The following MCAM variants were observed in gnomAD, a reference collection of about 807,000 sequenced individuals.
MCAM encodes the protein melanoma cell adhesion molecule.
Under a neutral mutation model 79.1 loss-of-function variants are expected in MCAM, and 55 were observed. The observed-to-expected ratio is 0.70, with a 90% CI of 0.56 to 0.87. The LOEUF (loss-of-function observed/expected upper bound fraction) is 0.87, where lower values mean the gene tolerates loss of function less well. Among genes scored for constraint, MCAM ranks in the 40% least tolerant of loss-of-function variants. The pLI, the probability that MCAM is intolerant of heterozygous loss-of-function variation, is 0.00. For missense variants in MCAM, 745 were observed against 839.8 expected, an observed-to-expected ratio of 0.89 and a Z score of 1.40; for synonymous variants, 330 against 339.8, an observed-to-expected ratio of 0.97 and a Z score of 0.32.
Position 119,311,535 on chromosome 11 carries a change from C to A in MCAM, c.1402G>T (p.Gly468Cys). The change falls in exon 11 of 16, where the codon GGC (glycine) becomes TGC (cysteine). Residue 468 changes from glycine (G) to cysteine (C), a missense_variant. Physicochemically the swap from Gly to Cys is radical, Grantham distance 159. Coordinates refer to ENST00000264036, the MANE Select transcript of MCAM (RefSeq NM_006500.3). This position sits in a 1 kb window ranked among gnomAD's most constrained non-coding sequence, Gnocchi z 4.4. ...PRPTISWNVN[G>C]TASEQDQDPQ... ...CAGATGAGACACCCGCTCACCGTGC[C>A]GTTGACGTTCCAGGAGATGGTGGGC... 6.2e-7 allele frequency: 1 copy of A among 1,614,120 alleles called. No homozygotes were observed.
At chr11:119,313,227 G>T (rs1427197449) in intron 5 of MCAM, 7 of 1,422,872 alleles carry the variant, frequency 4.9e-6, no homozygotes, top group Middle Eastern at 1.8e-4. Flanking sequence ...CACTAAATGG[G>T]GAATGGTGAA....
intron 13 of MCAM, 53 bp from the exon 14 acceptor site, chr11:119,310,956 C>T (rs1385754692): frequency 6.2e-7 from 1 of 1,613,842 alleles, no homozygotes; most frequent in Admixed American, 1.7e-5. Context: ...ACTTCGTCAC[C>T]ATCGTTGGCC....
Position 119,315,158 on chromosome 11 carries a change from C to T in MCAM, c.173G>A (p.Ser58Asn). Reference protein sequence around the residue: ...CGLSQSQGNLSHVDWFSVHKE... With the variant: ...CGLSQSQGNLNHVDWFSVHKE... ...ACTCACAGAAAACCAGTCGACATGGCTGAGGTTGCCTTGGGACTGGGAGAG... is the reference window on the plus strand; with the variant it reads ...ACTCACAGAAAACCAGTCGACATGGTTGAGGTTGCCTTGGGACTGGGAGAG... Residue 58 changes from serine (S) to asparagine (N), a missense_variant, in exon 2 of 16, where the codon AGC becomes AAC. Physicochemically the swap from Ser to Asn is conservative, Grantham distance 46. Transcript: ENST00000264036. This position sits in a 1 kb window ranked among gnomAD's most constrained non-coding sequence, Gnocchi z 4.4. 1 of 1,613,572 alleles carries T rather than the reference C, an allele frequency of 6.2e-7. No individual in the cohort carries two copies. Among genetic ancestry groups the T allele is most frequent in the Non-Finnish European group, 8.5e-7 (1 of 1,179,998 alleles).
Position 119,310,459 on chromosome 11 carries a change from G to A in MCAM, c.1801C>T (p.Pro601Ser). The A allele has an allele frequency of 1.9e-6, 3 of 1,606,530 alleles. No homozygotes were observed. Among genetic ancestry groups the A allele is most frequent in the East Asian group, 2.2e-5 (1 of 44,854 alleles). ...RRSGKQEITL[P>S]PSRKSELVVE... ...ACAAGTTCGCTCTTACGAGACGGGG[G>A]TAGCGTGCTGGGAGGAGGGAGGGAG... Residue 601 changes from proline to serine, a missense_variant, in exon 15 of 16, where the codon CCC becomes TCC. Transcript: ENST00000264036.
chr11:119,313,873 A>G (rs1043089081), intron 5 of MCAM: 1 of 838,634 alleles, frequency 1.2e-6, no homozygotes, highest in African/African-American at 1.8e-5. Flanking sequence ...GAGGGGGTAC[A>G]AAATCACCCC....
At position 119,310,840 on chromosome 11, in the gene MCAM, A is replaced by G. The variant is rs370812902; in HGVS notation, c.1709T>C (p.Leu570Pro). The change falls in exon 14 of 16, where the codon CTG (leucine) becomes CCG (proline). Residue 570 changes from leucine (L) to proline (P), a missense_variant. Transcript: ENST00000264036. ...VVIVAVIVCI[L>P]VLAVLGAVLY... ...GACAGCGCCCAGCACCGCCAGGACC[A>G]GGATGCACACAATCACAGCCACGAT... 9.9e-6 allele frequency: 16 copies of G among 1,614,102 alleles called. No individual in the cohort carries two copies. Among genetic ancestry groups the G allele is most frequent in the Non-Finnish European group, 1.2e-5 (14 of 1,180,046 alleles).
In MCAM at chr11:119,308,647, CACAT is replaced by C. The variant is rs1204245794; in HGVS notation, c.*1235_*1238del. On this transcript the variant is annotated 3_prime_UTR_variant, in exon 16 of 16. Coordinates refer to ENST00000264036, the MANE Select transcript of MCAM (RefSeq NM_006500.3). ...CACACCTGACAAAACCATATATACACACATATGTATGCATACACACAGACAGACA... is the reference window on the plus strand; with the variant it reads ...CACACCTGACAAAACCATATATACACATGTATGCATACACACAGACAGACA... 6.6e-6 allele frequency: 1 copy of C among 151,870 alleles called. No homozygotes were observed. The highest frequency in any genetic ancestry group is 1.5e-5 in the Non-Finnish European group (1 of 68,020). The allele number at this position is 151,870 out of a possible 1,614,324, so 9.4% of individuals were successfully genotyped here. A position where few individuals can be genotyped will look rare whatever the true frequency, so the allele number is the denominator to read the frequency against.
In MCAM at chr11:119,309,766, T is replaced by G; in HGVS notation, c.*120A>C. On this transcript the variant is annotated 3_prime_UTR_variant, in exon 16 of 16. Coordinates refer to ENST00000264036, the MANE Select transcript of MCAM (RefSeq NM_006500.3). ...AACCCAGTGGCCCTCTGAAAGGGGGTGTGCAGGCGAGGGGAGCAGGAGGCT... is the reference window on the plus strand; with the variant it reads ...AACCCAGTGGCCCTCTGAAAGGGGGGGTGCAGGCGAGGGGAGCAGGAGGCT... The G allele has an allele frequency of 3.9e-6, 4 of 1,021,290 alleles. No individual in the cohort carries two copies. The highest frequency in any genetic ancestry group is 1.5e-5 in the South Asian group (1 of 68,628). 63.3% of individuals were successfully genotyped at this position (1,021,290 alleles called of 1,614,324 possible). A position where few individuals can be genotyped will look rare whatever the true frequency, so the allele number is the denominator to read the frequency against.
At position 119,311,130 on chromosome 11, in the gene MCAM, G is replaced by A; in HGVS notation, c.1605C>T (p.Ser535=). ...DSNTTTGLST[S]TASPHTRANS... ...TGGCTCTGGTATGAGGACTGGCAGT[G>A]GAAGTGCTGAGGCCAGTGGTTGTGT... The change falls in exon 13 of 16, where the codon TCC becomes TCT. Residue 535 remains serine, a synonymous_variant. Coordinates refer to ENST00000264036, the MANE Select transcript of MCAM (RefSeq NM_006500.3). This position sits in a 1 kb window ranked among gnomAD's most constrained non-coding sequence, Gnocchi z 4.4. The A allele has an allele frequency of 6.2e-7, 1 of 1,614,242 alleles. No homozygotes were observed. Among genetic ancestry groups the A allele is most frequent in the South Asian group, 1.1e-5 (1 of 91,092 alleles).
In MCAM at chr11:119,311,077, A is replaced by C. The variant is rs1264812334; in HGVS notation, c.1645+13T>G. 5 of 1,614,114 alleles carry C rather than the reference A, an allele frequency of 3.1e-6. No homozygotes were observed. The South Asian group carries it at 5.5e-5, about 18-fold the overall frequency. ...CCTGGCACAGCCCTGTTCTCTTGCC[A>C]GGCCTGGCTTACCTGTGGAGGTGCT... On this transcript the variant is annotated intron_variant, in intron 13 of 15. Coordinates refer to ENST00000264036, the MANE Select transcript of MCAM (RefSeq NM_006500.3). The surrounding 1 kb of genome is among the most constrained non-coding windows in gnomAD (Gnocchi z 4.4).
chr11:119,309,674 AG>A lies in MCAM; in HGVS notation c.*211del, dbSNP rs1555030891. ...TTGGGATGAGCTTCACTCAACGTGG[AG>A]GAGATGGTGGTGGACTGGTCCCTGA... On this transcript the variant is annotated 3_prime_UTR_variant, in exon 16 of 16. Transcript: ENST00000264036. The A allele has an allele frequency of 1.9e-4, 3 of 16,072 alleles. No homozygotes were observed. The highest frequency in any genetic ancestry group is 0.012 in the East Asian group (1 of 82). 1.0% of individuals were successfully genotyped at this position (16,072 alleles called of 1,614,324 possible). A position where few individuals can be genotyped will look rare whatever the true frequency, so the allele number is the denominator to read the frequency against.
In MCAM at chr11:119,312,131, C is replaced by T. The variant is rs1950242922; in HGVS notation, c.1064G>A (p.Arg355Lys). The change falls in exon 9 of 16, where the codon AGA becomes AAA. Residue 355 changes from arginine to lysine, a missense_variant. Arg to Lys is a conservative substitution (Grantham distance 26). Transcript: ENST00000264036. This position sits in a 1 kb window ranked among gnomAD's most constrained non-coding sequence, Gnocchi z 4.9. ...CAGGGTGAGGCTGCTGCCTTCCTGTCTCTCAGGGGCTGCGGGACTCACTCG... is the reference window on the plus strand; with the variant it reads ...CAGGGTGAGGCTGCTGCCTTCCTGTTTCTCAGGGGCTGCGGGACTCACTCG... ...DVRVSPAAPE[R>K]QEGSSLTLTC... is the part of the protein sequence containing the mutation. The T allele has an allele frequency of 5.0e-6, 8 of 1,613,396 alleles. No individual in the cohort carries two copies. Among genetic ancestry groups the T allele is most frequent in the East Asian group, 2.2e-5 (1 of 44,860 alleles).
intron 5 of MCAM, 187 bp downstream of exon 5, chr11:119,314,302 C>T: frequency 3.4e-6 from 2 of 587,746 alleles, no homozygotes; most frequent in Admixed American, 3.0e-5. Context: ...ACCACAGGCA[C>T]ACACCACCAT....
Position 119,314,499 on chromosome 11 carries a change from C to G in MCAM, c.549G>C (p.Glu183Asp), listed in dbSNP as rs148248363. 7 of 1,613,696 alleles carry G rather than the reference C, an allele frequency of 4.3e-6. No individual in the cohort carries two copies. The African/African-American group carries it at 9.3e-5, about 22-fold the overall frequency. Residue 183 changes from glutamate to aspartate, a missense_variant, in exon 5 of 16, where the codon GAG (glutamate) becomes GAC (aspartate). Transcript: ENST00000264036. ...GAAAGGGCTACTCACGGTTCTTCTC[C>G]TCCTTCAGAGGCCGGCCATTCTTGT... is the stretch of plus-strand genomic sequence containing the variant. ...IWYKNGRPLK[E>D]EKNRVHIQSS...
At position 119,312,425 on chromosome 11, in the gene MCAM, G is replaced by A; in HGVS notation, c.865C>T (p.Pro289Ser). Reference sequence around the variant, plus strand: ...TCTTCCTCTGCCTCCCTGGTGCTGGGGTTCTAGGGAGGATTGGGGAGGTGA... The same window carrying A: ...TCTTCCTCTGCCTCCCTGGTGCTGGAGTTCTAGGGAGGATTGGGGAGGTGA... ...PPHFSISKQN[P>S]STREAEEETT... is the part of the protein sequence containing the mutation. Residue 289 changes from proline to serine, a missense_variant, in exon 8 of 16, where the codon CCC becomes TCC. Pro to Ser is a moderately conservative substitution (Grantham distance 74). Transcript: ENST00000264036. This position sits in a 1 kb window ranked among gnomAD's most constrained non-coding sequence, Gnocchi z 4.9. 1 of 1,613,888 alleles carries A rather than the reference G, an allele frequency of 6.2e-7. No individual in the cohort carries two copies. Among genetic ancestry groups the A allele is most frequent in the Non-Finnish European group, 8.5e-7 (1 of 1,179,920 alleles).
At position 119,312,487 on chromosome 11, in the gene MCAM, G is replaced by T. The variant is rs980790389; in HGVS notation, c.861+40C>A. The T allele has an allele frequency of 1.2e-6, 2 of 1,613,838 alleles. No homozygotes were observed. Among genetic ancestry groups the T allele is most frequent in the African/African-American group, 2.7e-5 (2 of 74,898 alleles). ...CTCCCGCCACTCCACCTGGGTCTCT[G>T]CTTGCATCCCCACCTGCACCCAGCA... is the stretch of plus-strand genomic sequence containing the variant. On this transcript the variant is annotated intron_variant, in intron 7 of 15. Transcript: ENST00000264036. This position sits in a 1 kb window ranked among gnomAD's most constrained non-coding sequence, Gnocchi z 4.9.
intron 14 of MCAM, 125 bp from the exon 15 acceptor site, chr11:119,310,591 G>C: frequency 1.9e-6 from 2 of 1,061,562 alleles, no homozygotes; most frequent in Non-Finnish European, 1.4e-6. Flanking sequence ...CAGGGAAGCA[G>C]GTCATGAGAC....
rs1591283914 is a variant in MCAM, at chr11:119,312,196, C to G, written c.1025-26G>C. 6.2e-7 allele frequency: 1 copy of G among 1,610,868 alleles called. No individual in the cohort carries two copies. On this transcript the variant is annotated intron_variant, in intron 8 of 15. Transcript: ENST00000264036. The surrounding 1 kb of genome is among the most constrained non-coding windows in gnomAD (Gnocchi z 4.9). ...CTGGGGGTACAGCAATCATGTCACCCAGGGCAGGGTGGGGCCAGTTCCCTA... is the reference window on the plus strand; with the variant it reads ...CTGGGGGTACAGCAATCATGTCACCGAGGGCAGGGTGGGGCCAGTTCCCTA...
rs984620753 is a variant in MCAM, at chr11:119,315,164, T to C, written c.167A>G (p.Asn56Ser). 4 of 1,613,286 alleles carry C rather than the reference T, an allele frequency of 2.5e-6. No homozygotes were observed. Among genetic ancestry groups the C allele is most frequent in the Non-Finnish European group, 3.4e-6 (4 of 1,179,966 alleles). ...LKCGLSQSQGNLSHVDWFSVH... is the reference protein window; with the variant it reads ...LKCGLSQSQGSLSHVDWFSVH... ...AGAAAACCAGTCGACATGGCTGAGG[T>C]TGCCTTGGGACTGGGAGAGGCCGCA... The change falls in exon 2 of 16, where the codon AAC becomes AGC. Residue 56 changes from asparagine (N) to serine (S), a missense_variant. Physicochemically the swap from Asn to Ser is conservative, Grantham distance 46. Transcript: ENST00000264036. The surrounding 1 kb of genome is among the most constrained non-coding windows in gnomAD (Gnocchi z 4.4).
Sources: allele counts gnomAD v4.1 joint callset, GRCh38; gene constraint gnomAD v4.1.1; non-coding constraint Gnocchi (gnomAD v3.1); transcripts MANE v1.5; gene names NCBI Gene and HGNC (gene_info 2026-07-23, HGNC 2026-07-21).